The following MRGPRX4 variants were observed in gnomAD, a reference collection of about 807,000 sequenced individuals.
MRGPRX4 encodes the protein MAS related GPR family member X4.
Under a neutral mutation model 17.8 loss-of-function variants are expected in MRGPRX4, and 13 were observed. The ratio of observed to expected loss-of-function variants is 0.73; its 90% CI spans 0.48 to 1.16. The LOEUF (loss-of-function observed/expected upper bound fraction) is 1.16, where lower values mean the gene tolerates loss of function less well. Ranked by LOEUF, MRGPRX4 falls within the 50% of genes most tolerant of loss-of-function variation. The pLI, the probability that MRGPRX4 is intolerant of heterozygous loss-of-function variation, is 0.00. For missense variants in MRGPRX4, 399 were observed against 405.0 expected (o/e 0.99, Z 0.13); for synonymous variants, 192 against 175.3 (o/e 1.10, Z -0.75).
At position 18,173,886 on chromosome 11, in the gene MRGPRX4, G is replaced by A. The variant is rs1438017261; in HGVS notation, c.630G>A (p.Pro210=). The A allele has an allele frequency of 6.2e-6, 10 of 1,613,978 alleles. No individual in the cohort carries two copies. Among genetic ancestry groups the A allele is most frequent in the African/African-American group, 1.3e-5 (1 of 74,904 alleles). Residue 210 remains proline, a synonymous_variant, in exon 1 of 1, where the codon CCG becomes CCA. Transcript: ENST00000314254. The part of the protein sequence containing the change: ...VRILCGSRKM[P]LTRLYVTILL... ...TCCTCTGTGGATCCCGGAAGATGCC[G>A]CTGACCAGGCTGTACGTGACCATCC...
rs867076252 is a variant in MRGPRX4, at chr11:18,174,034, C to T, written c.778C>T (p.Leu260=). The change falls in exon 1 of 1, where the codon CTG becomes TTG. Residue 260 remains leucine, a synonymous_variant. Transcript: ENST00000314254. ...TCATGTTTATCTGGTTTGCATGTCCCTGTCCTCTCTAAACAGTAGTGCCAA... is the reference window on the plus strand; with the variant it reads ...TCATGTTTATCTGGTTTGCATGTCCTTGTCCTCTCTAAACAGTAGTGCCAA... ...YCHVYLVCMS[L]SSLNSSANPI... The T allele has an allele frequency of 6.2e-7, 1 of 1,614,228 alleles. No individual in the cohort carries two copies. Among genetic ancestry groups the T allele is most frequent in the South Asian group, 1.1e-5 (1 of 91,086 alleles).
In MRGPRX4 at chr11:18,173,143, T is replaced by G. The variant is rs1354141898; in HGVS notation, c.-114T>G. The G allele has an allele frequency of 7.3e-7, 1 of 1,376,148 alleles. No individual in the cohort carries two copies. The highest frequency in any genetic ancestry group is 9.9e-7 in the Non-Finnish European group (1 of 1,010,664). The allele number at this position is 1,376,148 out of a possible 1,614,324, so 85.2% of individuals were successfully genotyped here. On this transcript the variant is annotated 5_prime_UTR_variant, in exon 1 of 1. Transcript: ENST00000314254. ...TGCGAGCCTCTGTTTCTCTCTTCTT[T>G]AAATGAGGACAGTAAATCCCATACG...
In MRGPRX4 at chr11:18,173,417, A is replaced by G. The variant is rs1869788; in HGVS notation, c.161A>G (p.Tyr54Cys). ...GNAVVLWLLG[Y>C]RMRRNAVSIY... ...GCGGTTGTGCTCTGGCTCCTGGGCT[A>G]CCGCATGCGCAGGAACGCTGTCTCC... The change falls in exon 1 of 1, where the codon TAC becomes TGC. Residue 54 changes from tyrosine to cysteine, a missense_variant. Transcript: ENST00000314254. The G allele has an allele frequency of 0.31, 495,308 of 1,613,916 alleles. 77,596 individuals carry two copies. The highest frequency in any genetic ancestry group is 0.45 in the East Asian group (20,136 of 44,870).
At position 18,173,214 on chromosome 11, in the gene MRGPRX4, T is replaced by A. The variant is rs754329389; in HGVS notation, c.-43T>A. On this transcript the variant is annotated 5_prime_UTR_variant, in exon 1 of 1. Coordinates refer to ENST00000314254, the MANE Select transcript of MRGPRX4 (RefSeq NM_054032.3). Reference sequence around the variant, plus strand: ...AGAGATGATACAGCTGGTGATCACATCTGGTTTGTGTTCCCAGGGGCACCA... The same window carrying A: ...AGAGATGATACAGCTGGTGATCACAACTGGTTTGTGTTCCCAGGGGCACCA... 18 of 1,556,438 alleles carry A rather than the reference T, an allele frequency of 1.2e-5. No individual in the cohort carries two copies. The highest frequency in any genetic ancestry group is 1.7e-4 in the Middle Eastern group (1 of 5,776).
chr11:18,173,154 A>T lies in MRGPRX4; in HGVS notation c.-103A>T. 1 of 1,420,182 alleles carries T rather than the reference A, an allele frequency of 7.0e-7. No homozygotes were observed. Among genetic ancestry groups the T allele is most frequent in the Non-Finnish European group, 9.5e-7 (1 of 1,047,510 alleles). The allele number at this position is 1,420,182 out of a possible 1,614,324, so 88.0% of individuals were successfully genotyped here. ...GTTTCTCTCTTCTTTAAATGAGGACAGTAAATCCCATACGGCAGGGTGGTG... is the reference window on the plus strand; with the variant it reads ...GTTTCTCTCTTCTTTAAATGAGGACTGTAAATCCCATACGGCAGGGTGGTG... On this transcript the variant is annotated 5_prime_UTR_variant, in exon 1 of 1. Transcript: ENST00000314254.
chr11:18,173,414 G>A lies in MRGPRX4; in HGVS notation c.158G>A (p.Gly53Asp). 6.2e-7 allele frequency: 1 copy of A among 1,614,162 alleles called. No individual in the cohort carries two copies. The highest frequency in any genetic ancestry group is 1.1e-5 in the South Asian group (1 of 91,070). Residue 53 changes from glycine (G) to aspartate (D), a missense_variant, in exon 1 of 1, where the codon GGC becomes GAC. By Grantham distance (94) the Gly-to-Asp change is moderately conservative. Transcript: ENST00000314254. ...TGNAVVLWLL[G>D]YRMRRNAVSI... is the part of the protein sequence containing the mutation. ...AACGCGGTTGTGCTCTGGCTCCTGG[G>A]CTACCGCATGCGCAGGAACGCTGTC...
Position 18,174,060 on chromosome 11 carries a change from C to A in MRGPRX4, c.804C>A (p.Asn268Lys). Residue 268 changes from asparagine to lysine, a missense_variant, in exon 1 of 1, where the codon AAC becomes AAA. Asn to Lys is a moderately conservative substitution (Grantham distance 94). Transcript: ENST00000314254. ...MSLSSLNSSA[N>K]PIIYFFVGSF... Reference sequence around the variant, plus strand: ...TGTCCTCTCTAAACAGTAGTGCCAACCCCATCATTTACTTCTTCGTGGGCT... The same window carrying A: ...TGTCCTCTCTAAACAGTAGTGCCAAACCCATCATTTACTTCTTCGTGGGCT... 1 of 1,614,214 alleles carries A rather than the reference C, an allele frequency of 6.2e-7. No individual in the cohort carries two copies. Among genetic ancestry groups the A allele is most frequent in the East Asian group, 2.2e-5 (1 of 44,888 alleles).
In MRGPRX4 at chr11:18,173,180, G is replaced by T; in HGVS notation, c.-77G>T. 2 of 1,503,184 alleles carry T rather than the reference G, an allele frequency of 1.3e-6. No individual in the cohort carries two copies. The highest frequency in any genetic ancestry group is 1.3e-5 in the South Asian group (1 of 75,094). The allele number at this position is 1,503,184 out of a possible 1,614,324, so 93.1% of individuals were successfully genotyped here. A position where few individuals can be genotyped will look rare whatever the true frequency, so the allele number is the denominator to read the frequency against. On this transcript the variant is annotated 5_prime_UTR_variant, in exon 1 of 1. Transcript: ENST00000314254. Reference sequence around the variant, plus strand: ...GTAAATCCCATACGGCAGGGTGGTGGGGAGAATCAGAGATGATACAGCTGG... The same window carrying T: ...GTAAATCCCATACGGCAGGGTGGTGTGGAGAATCAGAGATGATACAGCTGG...
rs542398576 is a variant in MRGPRX4 at position 18,174,163 on chromosome 11, A to G, written c.907A>G (p.Lys303Glu). The change falls in exon 1 of 1, where the codon AAA becomes GAA. Residue 303 changes from lysine (K) to glutamate (E), a missense_variant. Lys to Glu is a moderately conservative substitution (Grantham distance 56, BLOSUM62 1). Transcript: ENST00000314254. ...RALQDKPEVD[K>E]GEGQLPEESL... is the part of the protein sequence containing the mutation. ...TCTGCAGGACAAGCCTGAGGTGGAT[A>G]AAGGTGAAGGGCAGCTTCCTGAGGA... 73 of 1,614,188 alleles carry G rather than the reference A, an allele frequency of 4.5e-5. No homozygotes were observed. Among genetic ancestry groups the G allele is most frequent in the Admixed American group, 4.2e-4 (25 of 60,034 alleles).
chr11:18,173,497 A>G lies in MRGPRX4; in HGVS notation c.241A>G (p.Ile81Val). The change falls in exon 1 of 1, where the codon ATA (isoleucine) becomes GTA (valine). Residue 81 changes from isoleucine to valine, a missense_variant. Transcript: ENST00000314254. The part of the protein sequence containing the change: ...ADFLFLSFQI[I>V]RLPLRLINIS... The stretch of plus-strand genomic sequence containing the variant: ...CTTCCTCTTCCTCAGCTTCCAGATT[A>G]TACGTTTGCCATTACGCCTCATCAA... The G allele has an allele frequency of 6.2e-7, 1 of 1,614,178 alleles. No homozygotes were observed. Among genetic ancestry groups the G allele is most frequent in the South Asian group, 1.1e-5 (1 of 91,078 alleles).
Position 18,173,201 on chromosome 11 carries a change from G to A in MRGPRX4, c.-56G>A. ...GGTGGGGAGAATCAGAGATGATACA[G>A]CTGGTGATCACATCTGGTTTGTGTT... On this transcript the variant is annotated 5_prime_UTR_variant, in exon 1 of 1. Transcript: ENST00000314254. 1 of 1,535,632 alleles carries A rather than the reference G, an allele frequency of 6.5e-7. No homozygotes were observed. The highest frequency in any genetic ancestry group is 2.0e-5 in the Admixed American group (1 of 49,180).
rs1849347478 is a variant in MRGPRX4 at position 18,173,899 on chromosome 11, T to C, written c.643T>C (p.Tyr215His). Residue 215 changes from tyrosine to histidine, a missense_variant, in exon 1 of 1, where the codon TAC (tyrosine) becomes CAC (histidine). Transcript: ENST00000314254. ...GSRKMPLTRL[Y>H]VTILLTVLVF... ...CCGGAAGATGCCGCTGACCAGGCTG[T>C]ACGTGACCATCCTGCTCACAGTGCT... 27 of 1,614,028 alleles carry C rather than the reference T, an allele frequency of 1.7e-5. No individual in the cohort carries two copies. Among genetic ancestry groups the C allele is most frequent in the Non-Finnish European group, 2.3e-5 (27 of 1,180,004 alleles).
Position 18,173,816 on chromosome 11 carries a change from T to C in MRGPRX4, c.560T>C (p.Leu187Ser). ...ATCCCAGTCGCGTGGCTGATTTTTT[T>C]ATGTGTGGTTCTCTGTGTTTCCAGC... ...DFIPVAWLIF[L>S]CVVLCVSSLV... is the part of the protein sequence containing the mutation. The change falls in exon 1 of 1, where the codon TTA becomes TCA. Residue 187 changes from leucine (L) to serine (S), a missense_variant. Physicochemically the swap from Leu to Ser is moderately radical, Grantham distance 145. Transcript: ENST00000314254. 6.2e-7 allele frequency: 1 copy of C among 1,614,160 alleles called. No homozygotes were observed. The highest frequency in any genetic ancestry group is 8.5e-7 in the Non-Finnish European group (1 of 1,180,040).
chr11:18,173,610 C>A lies in MRGPRX4; in HGVS notation c.354C>A (p.Thr118=). ...TGLSMLSAIS[T]ERCLSVLWPI... ...TGAGTATGCTGAGCGCCATCAGCAC[C>A]GAGCGCTGCCTGTCTGTTCTGTGGC... The change falls in exon 1 of 1, where the codon ACC becomes ACA. Residue 118 remains threonine, a synonymous_variant. Transcript: ENST00000314254. 6.2e-7 allele frequency: 1 copy of A among 1,614,184 alleles called. No homozygotes were observed. Among genetic ancestry groups the A allele is most frequent in the Admixed American group, 1.7e-5 (1 of 60,022 alleles).
Position 18,173,894 on chromosome 11 carries a change from G to T in MRGPRX4, c.638G>T (p.Arg213Met). The change falls in exon 1 of 1, where the codon AGG (arginine) becomes ATG (methionine). Residue 213 changes from arginine to methionine, a missense_variant. Arg to Met is a moderately conservative substitution (Grantham distance 91). Coordinates refer to ENST00000314254, the MANE Select transcript of MRGPRX4 (RefSeq NM_054032.3). ...GGATCCCGGAAGATGCCGCTGACCA[G>T]GCTGTACGTGACCATCCTGCTCACA... ...LCGSRKMPLT[R>M]LYVTILLTVL... is the part of the protein sequence containing the mutation. 1 of 1,614,176 alleles carries T rather than the reference G, an allele frequency of 6.2e-7. No homozygotes were observed. The highest frequency in any genetic ancestry group is 1.1e-5 in the South Asian group (1 of 91,084).
chr11:18,173,802 G>A lies in MRGPRX4; in HGVS notation c.546G>A (p.Ala182=), dbSNP rs200576638. The A allele has an allele frequency of 1.9e-6, 3 of 1,614,130 alleles. No individual in the cohort carries two copies. In the East Asian group the frequency reaches 6.7e-5, roughly 36 times the overall value. Residue 182 remains alanine (A), a synonymous_variant, in exon 1 of 1, where the codon GCG becomes GCA. Coordinates refer to ENST00000314254, the MANE Select transcript of MRGPRX4 (RefSeq NM_054032.3). The part of the protein sequence containing the change: ...WCETSDFIPV[A]WLIFLCVVLC... ...AAACGTCAGATTTCATCCCAGTCGC[G>A]TGGCTGATTTTTTTATGTGTGGTTC...
chr11:18,174,275 T>C lies in MRGPRX4; in HGVS notation c.*50T>C, dbSNP rs1330524096. 44 of 1,554,068 alleles carry C rather than the reference T, an allele frequency of 2.8e-5. No homozygotes were observed. The highest frequency in any genetic ancestry group is 6.1e-5 in the Admixed American group (3 of 49,244). On this transcript the variant is annotated 3_prime_UTR_variant, in exon 1 of 1. Transcript: ENST00000314254. ...AGACGGGACTTTGAGAGCAACACTG[T>C]CCTGCCACCCTTGACAATTACATGC...
rs771688082 is a variant in MRGPRX4, at chr11:18,173,287, A to C, written c.31A>C (p.Lys11Gln). The C allele has an allele frequency of 1.9e-6, 3 of 1,611,482 alleles. No individual in the cohort carries two copies. Among genetic ancestry groups the C allele is most frequent in the Non-Finnish European group, 2.5e-6 (3 of 1,178,632 alleles). ...TCCAACCGTCCCAGTCTTCGGTACAAAACTGACACCAATCAACGGACGTGA... is the reference window on the plus strand; with the variant it reads ...TCCAACCGTCCCAGTCTTCGGTACACAACTGACACCAATCAACGGACGTGA... MDPTVPVFGTKLTPINGREET... is the reference protein window; with the variant it reads MDPTVPVFGTQLTPINGREET... Residue 11 changes from lysine (K) to glutamine (Q), a missense_variant, in exon 1 of 1, where the codon AAA becomes CAA. Physicochemically the swap from Lys to Gln is moderately conservative, Grantham distance 53. Transcript: ENST00000314254.
In MRGPRX4 at chr11:18,173,442, C is replaced by T. The variant is rs754405552; in HGVS notation, c.186C>T (p.Ser62=). Residue 62 remains serine, a synonymous_variant, in exon 1 of 1, where the codon TCC becomes TCT. Coordinates refer to ENST00000314254, the MANE Select transcript of MRGPRX4 (RefSeq NM_054032.3). The stretch of plus-strand genomic sequence containing the variant: ...ACCGCATGCGCAGGAACGCTGTCTC[C>T]ATCTACATCCTCAACCTGGCCGCAG... ...LGYRMRRNAV[S]IYILNLAAAD... 1 of 1,614,218 alleles carries T rather than the reference C, an allele frequency of 6.2e-7. No individual in the cohort carries two copies. The highest frequency in any genetic ancestry group is 1.7e-5 in the Admixed American group (1 of 60,034).
Sources: allele counts gnomAD v4.1 joint callset, GRCh38; gene constraint gnomAD v4.1.1; transcripts MANE v1.5; gene names NCBI Gene and HGNC (gene_info 2026-07-23, HGNC 2026-07-21).